The following CLCNKB variants were observed in gnomAD, a reference collection of about 807,000 sequenced individuals.
The protein encoded by CLCNKB is chloride channel protein ClC-Kb.
CLCNKB carries 74 observed loss-of-function variants against 83.8 expected under a neutral mutation model. The observed-to-expected ratio is 0.88, with a 90% CI of 0.73 to 1.07. The LOEUF is 1.07. Ranked by LOEUF, CLCNKB falls within the 50% of genes least tolerant of loss-of-function variation. The pLI is 0.00. For synonymous variants in CLCNKB, 358 were observed against 356.6 expected, an observed-to-expected ratio of 1.00 and a Z score of -0.04; for missense variants, 798 against 893.6, an observed-to-expected ratio of 0.89 and a Z score of 1.36.
Position 16,053,701 on chromosome 1 carries a change from T to C in CLCNKB, c.1685T>C (p.Met562Thr), listed in dbSNP as rs5253. ...AGCATCACCACACTGGCCAAGGACA[T>C]GCCACTGGAGGAGGTGGTCAAGGTT... ...NHSITTLAKDMPLEEVVKVVT... is the reference protein window; with the variant it reads ...NHSITTLAKDTPLEEVVKVVT... Residue 562 changes from methionine to threonine, a missense_variant, in exon 16 of 20, where the codon ATG becomes ACG. Met to Thr is a moderately conservative substitution (Grantham distance 81). Transcript: ENST00000375679. 0.96 allele frequency: 1,548,531 copies of C among 1,613,870 alleles called. 747,019 individuals are homozygous for C. The highest frequency in any genetic ancestry group is 0.99 in the Non-Finnish European group (1,165,246 of 1,180,008).
rs575909135 is a variant in CLCNKB, at chr1:16,046,097, G to T, written c.229+411G>T. ...CACCCTGAGGCCTCCCTGGAAGAGG[G>T]GGTGTGGGCAGGAAGGGTCTAAGAC... On this transcript the variant is annotated intron_variant, in intron 3 of 19. Transcript: ENST00000375679. Among the ~76,000 whole-genome samples, 4 of 152,368 alleles carry T rather than the reference G, an allele frequency of 2.6e-5. No individual in the cohort carries two copies. In the East Asian group the frequency reaches 7.7e-4, roughly 29 times the overall value.
chr1:16,050,030 C>G (rs1377615071), intron 10 of CLCNKB, 114 bp downstream of exon 10: 4 of 179,432 alleles, frequency 2.2e-5, no homozygotes, highest in Non-Finnish European at 2.8e-5. Flanking sequence ...CCATCCTAGC[C>G]CATGCCCCAC....
At chr1:16,044,171 C>A (rs546255155) in intron 1 of CLCNKB, among the ~76,000 whole-genome samples, 1 of 151,954 alleles carries the variant, frequency 6.6e-6, no homozygotes, top group Non-Finnish European at 1.5e-5. Context: ...GGAGCGGCTG[C>A]CACCGAAGGG....
intron 15 of CLCNKB, among the ~76,000 whole-genome samples, chr1:16,053,319 T>C (rs2023348883): frequency 1.3e-5 from 2 of 152,148 alleles, no homozygotes; most frequent in South Asian, 2.1e-4. Context: ...TGAGCCACCG[T>C]GCCCAGCCGC....
intron 5 of CLCNKB, 116 bp from the exon 6 acceptor site, chr1:16,048,227 G>T: frequency 6.8e-7 from 1 of 1,467,886 alleles, no homozygotes. Context: ...ATCTGAGGAC[G>T]GCCGTGGGGG....
At position 16,051,805 on chromosome 1, in the gene CLCNKB, G is replaced by A. The variant is rs764529519; in HGVS notation, c.1393G>A (p.Gly465Arg). Residue 465 changes from glycine to arginine, a missense_variant, in exon 14 of 20, where the codon GGG becomes AGG. Coordinates refer to ENST00000375679, the MANE Select transcript of CLCNKB (RefSeq NM_000085.5). ...GGITNPIMPG[G>R]YALAGAAAFS... Reference sequence around the variant, plus strand: ...GATCACCAATCCCATCATGCCAGGGGGGTATGCTCTGGCAGGTGAGTGGGT... The same window carrying A: ...GATCACCAATCCCATCATGCCAGGGAGGTATGCTCTGGCAGGTGAGTGGGT... The A allele has an allele frequency of 6.6e-5, 107 of 1,612,200 alleles. No homozygotes were observed. The highest frequency in any genetic ancestry group is 8.9e-5 in the Non-Finnish European group (105 of 1,178,600).
rs2023272492 is a variant in CLCNKB at position 16,051,003 on chromosome 1, G to A, written c.1182G>A (p.Pro394=). Residue 394 remains proline (P), a synonymous_variant, in exon 12 of 20, where the codon CCG becomes CCA. Transcript: ENST00000375679. ...ACCTGTGGTGGGAATGGTACCACCC[G>A]CGGTTCACCATCTTTGGGACCCTTG... is the stretch of plus-strand genomic sequence containing the variant. ...PQHLWWEWYH[P]RFTIFGTLAF... 6.8e-6 allele frequency: 11 copies of A among 1,613,932 alleles called. No individual in the cohort carries two copies. The highest frequency in any genetic ancestry group is 2.2e-5 in the South Asian group (2 of 91,076).
chr1:16,044,378 C>CAT lies in CLCNKB; in HGVS notation c.-7-108_-7-107insAT, dbSNP rs146972886. 75 of 740,164 alleles carry CAT rather than the reference C, an allele frequency of 1.0e-4. 2 individuals are homozygous for CAT. The highest frequency in any genetic ancestry group is 2.3e-4 in the Admixed American group (11 of 47,802). The allele number at this position is 740,164 out of a possible 1,614,324, so 45.8% of individuals were successfully genotyped here. A position where few individuals can be genotyped will look rare whatever the true frequency, so the allele number is the denominator to read the frequency against. ...ACATACACACACACACACACACACA[C>CAT]GCACAATCTTTCCTCTTCATGGGTG... On this transcript the variant is annotated intron_variant, in intron 1 of 19. Coordinates refer to ENST00000375679, the MANE Select transcript of CLCNKB (RefSeq NM_000085.5).
In CLCNKB at chr1:16,053,718, G is replaced by A. The variant is rs558139388; in HGVS notation, c.1702G>A (p.Val568Ile). ...CAAGGACATGCCACTGGAGGAGGTGGTCAAGGTTGTGACCTCCACAGACGT... is the reference window on the plus strand; with the variant it reads ...CAAGGACATGCCACTGGAGGAGGTGATCAAGGTTGTGACCTCCACAGACGT... Reference protein sequence around the residue: ...LAKDMPLEEVVKVVTSTDVAK... With the variant: ...LAKDMPLEEVIKVVTSTDVAK... The change falls in exon 16 of 20, where the codon GTC (valine) becomes ATC (isoleucine). Residue 568 changes from valine (V) to isoleucine (I), a missense_variant. Val to Ile is a conservative substitution (Grantham distance 29). Transcript: ENST00000375679. 15 of 1,613,822 alleles carry A rather than the reference G, an allele frequency of 9.3e-6. No homozygotes were observed. Among genetic ancestry groups the A allele is most frequent in the Non-Finnish European group, 1.3e-5 (15 of 1,180,018 alleles).
Position 16,049,815 on chromosome 1 carries a change from G to C in CLCNKB, c.867G>C (p.Gly289=), listed in dbSNP as rs371702712. Residue 289 remains glycine, a splice_region_variant and synonymous_variant, in exon 10 of 20, where the codon GGG becomes GGC. Transcript: ENST00000375679. ...GGGCTCATGTCTCCATGCTCCCCAGGGGTCTCTGTGGCATCCTGGGCAGCG... is the reference window on the plus strand; with the variant it reads ...GGGCTCATGTCTCCATGCTCCCCAGCGGTCTCTGTGGCATCCTGGGCAGCG... ...LPEIFFFVAL[G]GLCGILGSAY... 1.2e-6 allele frequency: 2 copies of C among 1,613,828 alleles called. No individual in the cohort carries two copies. The highest frequency in any genetic ancestry group is 2.7e-5 in the African/African-American group (2 of 74,922).
At chr1:16,052,519 T>C in intron 15 of CLCNKB, 108 bp downstream of exon 15, 3 of 1,354,164 alleles carry the variant, frequency 2.2e-6, no homozygotes, top group East Asian at 2.5e-5. Context: ...ACCTCGGACA[T>C]GGGGGCTGAC....
rs368104316 is a variant in CLCNKB, at chr1:16,050,540, C to T, written c.993C>T (p.Ala331=). 2.6e-5 allele frequency: 42 copies of T among 1,613,998 alleles called. No homozygotes were observed. Among genetic ancestry groups the T allele is most frequent in the Non-Finnish European group, 3.5e-5 (41 of 1,180,020 alleles). ...ATSKPVYSAL[A]TLVLASITYP... is the part of the protein sequence containing the mutation. ...GCAAGCCTGTGTACTCCGCTCTGGC[C>T]ACCTTGGTTCTCGCCTCCATCACCT... is the stretch of plus-strand genomic sequence containing the variant. Residue 331 remains alanine (A), a synonymous_variant, in exon 11 of 20, where the codon GCC becomes GCT. Coordinates refer to ENST00000375679, the MANE Select transcript of CLCNKB (RefSeq NM_000085.5).
chr1:16,045,182 G>A (rs2023063834), intron 2 of CLCNKB, among the ~76,000 whole-genome samples: 1 of 152,174 alleles, frequency 6.6e-6, no homozygotes, highest in African/African-American at 2.4e-5. Context: ...ACACGCAGGA[G>A]TCTGCTAGAT....
chr1:16,049,944 C>A (rs2124097042), intron 10 of CLCNKB, 28 bp downstream of exon 10: 1 of 1,256,548 alleles, frequency 8.0e-7, no homozygotes, highest in Non-Finnish European at 1.0e-6. Context: ...GGCTGGGGAC[C>A]TCTCAGCGAG....
In CLCNKB at chr1:16,048,386, G is replaced by A. The variant is rs200728139; in HGVS notation, c.542G>A (p.Gly181Asp). The A allele has an allele frequency of 3.7e-6, 6 of 1,614,070 alleles. No individual in the cohort carries two copies. The highest frequency in any genetic ancestry group is 4.2e-6 in the Non-Finnish European group (5 of 1,180,006). Residue 181 changes from glycine (G) to aspartate (D), a missense_variant, in exon 6 of 20, where the codon GGC becomes GAC. By Grantham distance (94) the Gly-to-Asp change is moderately conservative. Coordinates refer to ENST00000375679, the MANE Select transcript of CLCNKB (RefSeq NM_000085.5). ...HLSVMMAAYL[G>D]RVRTTTIGEP... ...TCTGTGATGATGGCTGCCTACCTGG[G>A]CCGTGTGCGCACCACGACCATCGGG...
chr1:16,050,040 C>T, intron 10 of CLCNKB, 124 bp downstream of exon 10: 1 of 165,422 alleles, frequency 6.0e-6, no homozygotes, highest in South Asian at 9.1e-5. Context: ...CCATGCCCCA[C>T]ATGTGGAGCC....
intron 16 of CLCNKB, among the ~76,000 whole-genome samples, chr1:16,054,962 A>ATGCCCCAGGGCCAGAGTGAAG (rs1178844823): frequency 2.6e-5 from 4 of 152,234 alleles, no homozygotes; most frequent in Non-Finnish European, 5.9e-5. Context: ...AATGCCATTG[A>ATGCCCCAGGGCCAGAGTGAAG]TGCCCCAGGG....
At position 16,048,817 on chromosome 1, in the gene CLCNKB, C is replaced by T. The variant is rs539900379; in HGVS notation, c.655+235C>T. 12 of 1,443,174 alleles carry T rather than the reference C, an allele frequency of 8.3e-6. No homozygotes were observed. In the East Asian group the frequency reaches 3.0e-4, roughly 36 times the overall value. 89.4% of individuals were successfully genotyped at this position (1,443,174 alleles called of 1,614,324 possible). ...ATTATACAGACTTGGGTTTGAAATC[C>T]ACGTATGACCCTGGCCCGTTGGCCT... is the stretch of plus-strand genomic sequence containing the variant. On this transcript the variant is annotated intron_variant, in intron 7 of 19. Coordinates refer to ENST00000375679, the MANE Select transcript of CLCNKB (RefSeq NM_000085.5).
intron 18 of CLCNKB, 39 bp from the exon 19 acceptor site, chr1:16,056,383 C>A (rs552553528): frequency 1.2e-6 from 2 of 1,605,216 alleles, no homozygotes; most frequent in Non-Finnish European, 1.7e-6. Context: ...GGGCTGGGCA[C>A]CTTCTACCCT....
Sources: allele counts gnomAD v4.1 joint callset (sites outside exome capture counted in the v4.1 genomes callset), GRCh38; gene constraint gnomAD v4.1.1; transcripts MANE v1.5; gene names NCBI Gene and HGNC (gene_info 2026-07-23, HGNC 2026-07-21).